The following ZNF536 variants were observed in gnomAD, a reference collection of about 807,000 sequenced individuals.
The protein encoded by ZNF536 is zinc finger protein 536.
In ZNF536, 13 loss-of-function variants were observed where a neutral mutation model predicts 84.5. The observed-to-expected ratio is 0.15, with a 90% CI of 0.10 to 0.24. ZNF536 has a LOEUF of 0.24. Ranked by LOEUF, ZNF536 falls within the 10% of genes least tolerant of loss-of-function variation. The pLI is 1.00. For missense variants in ZNF536, 1,536 were observed against 1,747.5 expected (o/e 0.88, Z 2.16); for synonymous variants, 811 against 742.5 (o/e 1.09, Z -1.50).
At chr19:30,448,975 C>G (rs983443446) in intron 2 of ZNF536, among the ~76,000 whole-genome samples, 2 of 152,190 alleles carry the variant, frequency 1.3e-5, no homozygotes, top group Non-Finnish European at 2.9e-5. Flanking sequence ...ATGTTTGAAT[C>G]AGTGAACATG....
At chr19:30,691,494 C>T (rs1315628793) in intron 1 of ZNF536, among the ~76,000 whole-genome samples, 1 of 152,122 alleles carries the variant, frequency 6.6e-6, no homozygotes, top group Admixed American at 6.5e-5. Context: ...GCCCAGACTC[C>T]GCTCCGTTTC....
Position 30,522,364 on chromosome 19 carries a change from T to G in ZNF536, c.2171-12483T>G, listed in dbSNP as rs369422170. Among the ~76,000 whole-genome samples the G allele has an allele frequency of 1.3e-5, 2 of 148,528 alleles. 1 individual carries two copies. Among genetic ancestry groups the G allele is most frequent in the Admixed American group, 1.4e-4 (2 of 14,676 alleles). On this transcript the variant is annotated intron_variant, in intron 2 of 4. Coordinates refer to ENST00000355537, the MANE Select transcript of ZNF536 (RefSeq NM_014717.3). ...AGATATTGAAGGGTTCAGCATTTAT[T>G]CAAAAAAATTTTTTAAGCTGATCCA...
intron 1 of ZNF536, among the ~76,000 whole-genome samples, chr19:30,406,946 G>T (rs1183613870): frequency 6.6e-6 from 1 of 152,248 alleles, no homozygotes; most frequent in African/African-American, 2.4e-5. Context: ...CCCAACCTCT[G>T]TTGTCTCTGC....
At chr19:30,370,617 A>C (rs947561641), upstream of ZNF536, among the ~76,000 whole-genome samples, 1 of 152,192 alleles carries the variant, frequency 6.6e-6, no homozygotes, top group African/African-American at 2.4e-5. Context: ...GAAGATTATG[A>C]CAAAGAATGT....
chr19:30,618,660 T>C lies in ZNF536; in HGVS notation c.169+69146T>C, dbSNP rs559494855. 5.9e-5 allele frequency among the ~76,000 whole-genome samples: 9 copies of C among 152,288 alleles called. 1 individual carries two copies. The South Asian group carries it at 1.0e-3, about 18-fold the overall frequency. The stretch of plus-strand genomic sequence containing the variant: ...TACTTGTATTTCTCCATTAATAGTA[T>C]AGAAAAGTTGTTGCATTTTAAATAT... On this transcript the variant is annotated intron_variant, in intron 1 of 1. Coordinates refer to the ZNF536 transcript ENST00000592773.
At chr19:30,334,618 C>T (rs1380340976) in intron 2 of ZNF536, among the ~76,000 whole-genome samples, 1 of 152,112 alleles carries the variant, frequency 6.6e-6, no homozygotes, top group African/African-American at 2.4e-5. Flanking sequence ...TTGAATATAT[C>T]CAAATACATA....
intron 3 of ZNF536, among the ~76,000 whole-genome samples, chr19:30,364,300 C>T (rs8106310): frequency 0.037 from 5,618 of 152,086 alleles, 284 homozygotes; most frequent in African/African-American, 0.11. Context: ...CTGAGGTGGG[C>T]AGATCACTTG....
At chr19:30,679,719 C>A (rs1476934289) in intron 1 of ZNF536, among the ~76,000 whole-genome samples, 1 of 152,188 alleles carries the variant, frequency 6.6e-6, no homozygotes, top group East Asian at 1.9e-4. Flanking sequence ...TTGGCTGGGT[C>A]CCCCAGAGCC....
At chr19:30,593,061 C>G (rs1599912384) in intron 1 of ZNF536, among the ~76,000 whole-genome samples, 1 of 152,218 alleles carries the variant, frequency 6.6e-6, no homozygotes. Flanking sequence ...CAAACGCTGT[C>G]AGGTATTTAT....
intron 1 of ZNF536, among the ~76,000 whole-genome samples, chr19:30,581,111 C>G (rs1358594802): frequency 6.6e-6 from 1 of 152,216 alleles, no homozygotes; most frequent in African/African-American, 2.4e-5. Context: ...GTAAGTAAAA[C>G]TACTTATTTA....
intron 3 of ZNF536, among the ~76,000 whole-genome samples, chr19:30,366,273 G>C (rs1399782612): frequency 6.6e-6 from 1 of 152,112 alleles, no homozygotes; most frequent in Non-Finnish European, 1.5e-5. Context: ...CTTGAGAGTG[G>C]GCACCATGTT....
At chr19:30,615,992 G>T (rs1297091131) in intron 1 of ZNF536, among the ~76,000 whole-genome samples, 1 of 151,744 alleles carries the variant, frequency 6.6e-6, no homozygotes, top group Non-Finnish European at 1.5e-5. Context: ...TTATTGTCTG[G>T]GTTAACTTAA....
At chr19:30,352,232 A>G (rs1363678643) in intron 2 of ZNF536, 1 of 152,252 alleles carries the variant, frequency 6.6e-6, no homozygotes, top group Non-Finnish European at 1.5e-5. Flanking sequence ...ATAGATTTCC[A>G]TTCTCATACA....
At chr19:30,316,603 A>G (rs1038458686) in intron 2 of ZNF536, among the ~76,000 whole-genome samples, 1 of 152,160 alleles carries the variant, frequency 6.6e-6, no homozygotes, top group African/African-American at 2.4e-5. Flanking sequence ...TGGATAGGGT[A>G]GGGGAGGGTT....
At chr19:30,317,778 A>C (rs1487696048) in intron 2 of ZNF536, among the ~76,000 whole-genome samples, 1 of 152,218 alleles carries the variant, frequency 6.6e-6, no homozygotes, top group Non-Finnish European at 1.5e-5. Flanking sequence ...TAACATTTTA[A>C]GGCATTTCAT....
At chr19:30,325,007 G>A (rs1221767981) in intron 2 of ZNF536, among the ~76,000 whole-genome samples, 2 of 152,176 alleles carry the variant, frequency 1.3e-5, no homozygotes, top group Non-Finnish European at 2.9e-5. Flanking sequence ...CATACAATGG[G>A]TGTGAGTGCT....
At chr19:30,390,813 A>G (rs138214661) in intron 1 of ZNF536, among the ~76,000 whole-genome samples, 579 of 152,146 alleles carry the variant, frequency 3.8e-3, no homozygotes, top group Non-Finnish European at 6.7e-3. Flanking sequence ...CCCCGCCCCC[A>G]TGTTTACACT....
At chr19:30,485,702 G>A (rs541890204) in intron 2 of ZNF536, among the ~76,000 whole-genome samples, 1 of 133,170 alleles carries the variant, frequency 7.5e-6, no homozygotes, top group South Asian at 2.4e-4. Flanking sequence ...GCGGTGGGGT[G>A]GGGGGAAACA....
In ZNF536 at chr19:30,265,162, G is replaced by A. The variant is rs921559550; in HGVS notation, c.-189-18910G>A. On this transcript the variant is annotated intron_variant, in intron 1 of 5. Coordinates refer to the ZNF536 transcript ENST00000585628. ...TCCCCCTTGTGCCCCATGACTTTAT[G>A]TCCCTAGAAGACAGGGGAACAGCAG... 2.0e-5 allele frequency among the ~76,000 whole-genome samples: 3 copies of A among 151,972 alleles called. No individual in the cohort carries two copies. In the South Asian group the frequency reaches 6.2e-4, roughly 32 times the overall value.
Sources: gnomAD v4.1 joint callset for allele counts (sites outside exome capture counted in the v4.1 genomes callset) on GRCh38, gnomAD v4.1.1 for gene constraint, MANE v1.5 for transcripts, NCBI Gene and HGNC (gene_info 2026-07-23, HGNC 2026-07-21) for gene names.